ARHGEF3: variants seen among roughly 807,000 people sequenced by gnomAD.
ARHGEF3 encodes the protein Rho guanine nucleotide exchange factor 3, also known as 59.8 kDA protein.
A neutral mutation model predicts 63.2 loss-of-function variants in ARHGEF3; 28 were observed. The observed-to-expected ratio is 0.44, with a 90% confidence interval of 0.33 to 0.61. ARHGEF3 has a LOEUF of 0.61. Among genes scored for constraint, ARHGEF3 ranks in the 20% least tolerant of loss-of-function variants. ARHGEF3 has a pLI of 0.03. For missense variants in ARHGEF3, 533 were observed against 659.3 expected (o/e 0.81, Z 2.10); for synonymous variants, 266 against 254.2 (o/e 1.05, Z -0.44).
intron 1 of ARHGEF3, among the ~76,000 whole-genome samples, chr3:57,042,681 TATATATATATATA>T (rs1476116749): frequency 0.014 from 492 of 35,762 alleles, 32 homozygotes; most frequent in African/African-American, 0.044. Flanking sequence ...TATATATATA[TATATATATATATA>T]TATATATTTT....
chr3:56,811,928 C>T (rs2038082106), intron 4 of ARHGEF3, among the ~76,000 whole-genome samples: 1 of 152,130 alleles, frequency 6.6e-6, no homozygotes, highest in Admixed American at 6.6e-5. Context: ...GTGCCAAGTA[C>T]CTCTTCTTCC....
intron 2 of ARHGEF3, among the ~76,000 whole-genome samples, chr3:56,964,712 G>C (rs372699420): frequency 6.6e-6 from 1 of 151,978 alleles, no homozygotes; most frequent in East Asian, 1.9e-4. Flanking sequence ...GAGGAGTGCC[G>C]CAGGGTCTCG....
Position 56,789,684 on chromosome 3 carries a change from A to G in ARHGEF3, c.96+12019T>C, listed in dbSNP as rs767627591. On this transcript the variant is annotated intron_variant, in intron 1 of 9. Transcript: ENST00000296315. ...TGTATTGCCATGATAATTTTTTGCC[A>G]TATGTACATATCACCTGAGCTATTA... is the stretch of plus-strand genomic sequence containing the variant. Among the ~76,000 whole-genome samples the G allele has an allele frequency of 1.2e-4, 19 of 152,210 alleles. 1 individual carries two copies. The highest frequency in any genetic ancestry group is 3.3e-4 in the Admixed American group (5 of 15,282).
intron 1 of ARHGEF3, 145 bp downstream of exon 1, chr3:56,801,558 G>C (rs1292329391): frequency 4.5e-6 from 5 of 1,100,554 alleles, no homozygotes; most frequent in Non-Finnish European, 6.3e-6. Context: ...CTGTGGGAGA[G>C]ATGTAGAGAG....
chr3:56,876,346 T>C (rs1237376914), intron 4 of ARHGEF3, among the ~76,000 whole-genome samples: 2 of 151,870 alleles, frequency 1.3e-5, no homozygotes, highest in African/African-American at 4.8e-5. Context: ...TACAAAGAGG[T>C]AGGGAGGCCA....
At chr3:57,005,066 G>T (rs1219329971) in intron 2 of ARHGEF3, among the ~76,000 whole-genome samples, 1 of 152,014 alleles carries the variant, frequency 6.6e-6, no homozygotes, top group African/African-American at 2.4e-5. Context: ...CTTAGAATCT[G>T]CAAGGGATCT....
Position 57,016,773 on chromosome 3 carries a change from C to G in ARHGEF3, c.62+18315G>C, listed in dbSNP as rs555899100. On this transcript the variant is annotated intron_variant, in intron 2 of 12. Transcript: ENST00000338458. ...TTCACTCTCTTGCTCTTGGTCCCCC[C>G]CAGGTCTATTCTTATATCCCCTTTT... Among the ~76,000 whole-genome samples the G allele has an allele frequency of 1.3e-4, 20 of 152,198 alleles. No homozygotes were observed. In the South Asian group the frequency reaches 3.1e-3, roughly 24 times the overall value.
chr3:57,042,722 A>G (rs1704276858), intron 1 of ARHGEF3, among the ~76,000 whole-genome samples: 2 of 89,754 alleles, frequency 2.2e-5, no homozygotes, highest in African/African-American at 8.3e-5. Flanking sequence ...TTTTAGACGG[A>G]GTCTCGCTCT....
At chr3:56,837,641 AC>A (rs898926292) in intron 4 of ARHGEF3, among the ~76,000 whole-genome samples, 1 of 152,074 alleles carries the variant, frequency 6.6e-6, no homozygotes. Flanking sequence ...CTCCTTGTAA[AC>A]CCTCCACTCC....
At chr3:57,035,830 C>T (rs566592638) in intron 1 of ARHGEF3, among the ~76,000 whole-genome samples, 1 of 152,240 alleles carries the variant, frequency 6.6e-6, no homozygotes, top group East Asian at 1.9e-4. Context: ...CTTGGAATGA[C>T]AAAGCAACAA....
chr3:57,026,385 A>C (rs1560144314), intron 2 of ARHGEF3, among the ~76,000 whole-genome samples: 1 of 152,164 alleles, frequency 6.6e-6, no homozygotes, highest in Non-Finnish European at 1.5e-5. Context: ...TGGATGACAG[A>C]GCGAGACTCT....
intron 1 of ARHGEF3, among the ~76,000 whole-genome samples, chr3:57,043,412 G>A (rs547316587): frequency 6.6e-6 from 1 of 152,062 alleles, no homozygotes; most frequent in East Asian, 1.9e-4. Flanking sequence ...ACAGCGCCTG[G>A]CTGCCACTAG....
intron 1 of ARHGEF3, 55 bp downstream of exon 1, chr3:56,801,648 G>A: frequency 1.6e-5 from 24 of 1,537,930 alleles, no homozygotes; most frequent in Non-Finnish European, 2.1e-5. Flanking sequence ...GGAGATGGAG[G>A]CAGACGAGAC....
intron 1 of ARHGEF3, among the ~76,000 whole-genome samples, chr3:57,068,125 CTA>C (rs1336443262): frequency 3.3e-5 from 5 of 151,528 alleles, no homozygotes; most frequent in Admixed American, 6.6e-5. Context: ...CATAGGGTAA[CTA>C]TTGTTTCACC....
chr3:56,907,841 G>C (rs1295379764), intron 3 of ARHGEF3, among the ~76,000 whole-genome samples: 2 of 152,136 alleles, frequency 1.3e-5, no homozygotes, highest in Non-Finnish European at 2.9e-5. Context: ...ACACAGAGGG[G>C]AACAACACAC....
intron 3 of ARHGEF3, among the ~76,000 whole-genome samples, chr3:56,906,560 G>T (rs1220896003): frequency 6.6e-6 from 1 of 152,226 alleles, no homozygotes; most frequent in East Asian, 1.9e-4. Flanking sequence ...TTTGGGCCAG[G>T]TGTGGTGGTT....
rs1000283877 is a variant in ARHGEF3 at position 56,916,543 on chromosome 3, C to T, written c.130-34189G>A. On this transcript the variant is annotated intron_variant, in intron 3 of 12. Transcript: ENST00000338458. The stretch of plus-strand genomic sequence containing the variant: ...AGCCGCACCAGTCAAGAGCTCCCCA[C>T]CTCTCCTGCTACTGCTGCTTTTGCA... 5 of 1,296,504 alleles carry T rather than the reference C, an allele frequency of 3.9e-6. No individual in the cohort carries two copies. In the African/African-American group the frequency reaches 6.1e-5, roughly 16 times the overall value. 80.3% of individuals were successfully genotyped at this position (1,296,504 alleles called of 1,614,324 possible). A position where few individuals can be genotyped will look rare whatever the true frequency, so the allele number is the denominator to read the frequency against.
At chr3:57,041,014 G>T (rs1323620620) in intron 1 of ARHGEF3, among the ~76,000 whole-genome samples, 1 of 152,052 alleles carries the variant, frequency 6.6e-6, no homozygotes, top group Non-Finnish European at 1.5e-5. Context: ...TGTAAAACTT[G>T]AAATAAAAAC....
intron 3 of ARHGEF3, among the ~76,000 whole-genome samples, chr3:56,931,421 CA>C (rs562674251): frequency 1.4e-3 from 220 of 151,804 alleles, no homozygotes; most frequent in Non-Finnish European, 2.0e-3. Context: ...ACAGAAAATA[CA>C]AAGATTAGCC....
Sources: allele counts gnomAD v4.1 joint callset (sites outside exome capture counted in the v4.1 genomes callset), GRCh38; gene constraint gnomAD v4.1.1; transcripts MANE v1.5; gene names NCBI Gene and HGNC (gene_info 2026-07-23, HGNC 2026-07-21).